Variants in MTMR7 observed in about 807,000 individuals in gnomAD.
MTMR7 encodes myotubularin related protein 7.
A neutral mutation model predicts 81.2 loss-of-function variants in MTMR7; 76 were observed. The observed-to-expected ratio is 0.94, with a 90% CI of 0.78 to 1.13. The LOEUF (loss-of-function observed/expected upper bound fraction) is 1.13. Among genes scored for constraint, MTMR7 ranks in the 50% most tolerant of loss-of-function variants. The probability of loss-of-function intolerance (pLI) is 0.00; values close to 1 mark genes in which losing one functional copy is unlikely to be tolerated. For missense variants in MTMR7, 1,044 were observed against 820.0 expected, an observed-to-expected ratio of 1.27 and a Z score of -3.34; for synonymous variants, 372 against 289.8, an observed-to-expected ratio of 1.28 and a Z score of -2.88.
chr8:17,328,434 GA>G (rs2150524794), intron 7 of MTMR7, among the ~76,000 whole-genome samples: 1 of 152,262 alleles, frequency 6.6e-6, no homozygotes, highest in South Asian at 2.1e-4. Flanking sequence ...GATGGAGCTG[GA>G]AGCCATTATC....
chr8:17,384,231 T>C (rs1308247693), intron 1 of MTMR7, among the ~76,000 whole-genome samples: 1 of 152,020 alleles, frequency 6.6e-6, no homozygotes, highest in Non-Finnish European at 1.5e-5. Context: ...GGCAACAAGA[T>C]GAGATCCCCA....
chr8:17,405,857 C>G (rs201776484), intron 1 of MTMR7, among the ~76,000 whole-genome samples: 2 of 101,196 alleles, frequency 2.0e-5, no homozygotes, highest in African/African-American at 7.3e-5. Context: ...CACACACACA[C>G]ACACACACAC....
At chr8:17,330,648 T>C (rs1167157748) in intron 7 of MTMR7, among the ~76,000 whole-genome samples, 4 of 152,222 alleles carry the variant, frequency 2.6e-5, no homozygotes, top group Non-Finnish European at 5.9e-5. Context: ...TCGCCATATA[T>C]GTCAAAGTGT....
chr8:17,345,873 C>G (rs543985987), intron 5 of MTMR7: 47 of 152,314 alleles, frequency 3.1e-4, no homozygotes, highest in African/African-American at 1.1e-3. Context: ...ACGTGGGAAA[C>G]AGTATTTTCA....
At chr8:17,369,231 G>C (rs1375259296) in intron 3 of MTMR7, among the ~76,000 whole-genome samples, 2 of 152,156 alleles carry the variant, frequency 1.3e-5, no homozygotes, top group East Asian at 3.9e-4. Context: ...TCCAATTTTA[G>C]TGCACCCTCC....
At position 17,368,157 on chromosome 8, in the gene MTMR7, C is replaced by G. The variant is rs1442418771; in HGVS notation, c.310+2880G>C. Among the ~76,000 whole-genome samples, 9 of 151,930 alleles carry G rather than the reference C, an allele frequency of 5.9e-5. No individual in the cohort carries two copies. In the East Asian group the frequency reaches 1.5e-3, roughly 26 times the overall value. ...TCATCAGGAGCACACAACCTAGATC[C>G]CTCGCATGTACGGTTCACAATAGAG... On this transcript the variant is annotated intron_variant, in intron 3 of 13. Coordinates refer to ENST00000180173, the MANE Select transcript of MTMR7 (RefSeq NM_004686.5).
rs190948659 is a variant in MTMR7, at chr8:17,350,738, G to C, written c.469-1657C>G. Among the ~76,000 whole-genome samples, 8 of 152,328 alleles carry C rather than the reference G, an allele frequency of 5.3e-5. No homozygotes were observed. The East Asian group carries it at 1.5e-3, about 29-fold the overall frequency. ...CTCTTATAAAGTCTTCTGTGATGAT[G>C]CCTCCCTTGCTGACCTCCACTGTCT... On this transcript the variant is annotated intron_variant, in intron 4 of 13. Transcript: ENST00000180173.
At chr8:17,306,577 T>C (rs999897979) in intron 10 of MTMR7, among the ~76,000 whole-genome samples, 8 of 152,216 alleles carry the variant, frequency 5.3e-5, no homozygotes, top group Non-Finnish European at 7.3e-5. Flanking sequence ...GATTTTAAAA[T>C]GAAGACTCCT....
rs957609819 is a variant in MTMR7, at chr8:17,367,873, T to G, written c.310+3164A>C. Among the ~76,000 whole-genome samples, 4 of 151,838 alleles carry G rather than the reference T, an allele frequency of 2.6e-5. No homozygotes were observed. The South Asian group carries it at 6.2e-4, about 24-fold the overall frequency. ...TGCTGATGCTAAGGTTTGGGGTTTT[T>G]TTTTTTTTTTTCTATTTTTAAAGTA... is the stretch of plus-strand genomic sequence containing the variant. On this transcript the variant is annotated intron_variant, in intron 3 of 13. Transcript: ENST00000180173.
chr8:17,359,934 A>T (rs1820009726), intron 4 of MTMR7, among the ~76,000 whole-genome samples: 1 of 152,130 alleles, frequency 6.6e-6, no homozygotes, highest in African/African-American at 2.4e-5. Flanking sequence ...TTGACATAAA[A>T]ATTATATTAA....
chr8:17,349,133 G>C (rs533967523), intron 4 of MTMR7, 52 bp from the exon 5 acceptor site: 13 of 1,583,374 alleles, frequency 8.2e-6, no homozygotes, highest in Non-Finnish European at 1.1e-5. Flanking sequence ...AATGCCCTGC[G>C]AACTGCCCCC....
chr8:17,307,131 AC>A, intron 10 of MTMR7, among the ~76,000 whole-genome samples: 1 of 152,282 alleles, frequency 6.6e-6, no homozygotes, highest in Non-Finnish European at 1.5e-5. Flanking sequence ...AATTTTTGCA[AC>A]CTACTCATCT....
At chr8:17,305,533 A>G (rs1381940808) in intron 11 of MTMR7, among the ~76,000 whole-genome samples, 1 of 152,316 alleles carries the variant, frequency 6.6e-6, no homozygotes, top group Non-Finnish European at 1.5e-5. Context: ...CAAGCTGTCT[A>G]TCAGGCAGAA....
rs555777587 is a variant in MTMR7 at position 17,384,875 on chromosome 8, A to G, written c.25-11635T>C. 1.3e-4 allele frequency among the ~76,000 whole-genome samples: 20 copies of G among 152,328 alleles called. No homozygotes were observed. In the South Asian group the frequency reaches 4.1e-3, roughly 32 times the overall value. On this transcript the variant is annotated intron_variant, in intron 1 of 13. Transcript: ENST00000180173. The stretch of plus-strand genomic sequence containing the variant: ...CCATTGAAAGTCTTTTCCCAGGACT[A>G]TTTTATTCAAACATCAGAGATTAGA...
rs532723140 is a variant in MTMR7, at chr8:17,303,019, C to T, written c.1494-739G>A. Among the ~76,000 whole-genome samples, 24 of 152,042 alleles carry T rather than the reference C, an allele frequency of 1.6e-4. 1 individual carries two copies. In the South Asian group the frequency reaches 4.0e-3, roughly 25 times the overall value. ...AGCCACCACGCCTGACCAATAAATC[C>T]CTTTTTATCCTACACAAAAAAGCAA... On this transcript the variant is annotated intron_variant, in intron 12 of 13. Coordinates refer to ENST00000180173, the MANE Select transcript of MTMR7 (RefSeq NM_004686.5).
intron 1 of MTMR7, among the ~76,000 whole-genome samples, chr8:17,392,460 T>A (rs138859572): frequency 6.6e-6 from 1 of 152,362 alleles, no homozygotes; most frequent in African/African-American, 2.4e-5. Context: ...AAAGCTTTCA[T>A]GGCAGCACAA....
At chr8:17,302,703 A>AC (rs35520166) in intron 12 of MTMR7, among the ~76,000 whole-genome samples, 501 of 10,344 alleles carry the variant, frequency 0.048, 94 homozygotes, top group East Asian at 0.088. Flanking sequence ...ATTGGCAATA[A>AC]CCCCCCCCCC....
At chr8:17,359,366 G>C (rs541416209) in intron 4 of MTMR7, among the ~76,000 whole-genome samples, 58 of 152,156 alleles carry the variant, frequency 3.8e-4, no homozygotes, top group African/African-American at 1.3e-3. Context: ...GGGAGGCCAA[G>C]GGAGGAGGAC....
intron 1 of MTMR7, among the ~76,000 whole-genome samples, chr8:17,373,991 G>A (rs1021977895): frequency 6.6e-6 from 1 of 152,174 alleles, no homozygotes; most frequent in Admixed American, 6.5e-5. Flanking sequence ...GAAAACTGAA[G>A]CAATGGTAAT....
Sources: allele counts gnomAD v4.1 joint callset (sites outside exome capture counted in the v4.1 genomes callset), GRCh38; gene constraint gnomAD v4.1.1; transcripts MANE v1.5; gene names NCBI Gene and HGNC (gene_info 2026-07-23, HGNC 2026-07-21).